TANGO6: variants seen among roughly 807,000 people sequenced by gnomAD.
TANGO6 encodes the protein transport and Golgi organization protein 6 homolog.
TANGO6 carries 90 observed loss-of-function variants against 114.2 expected under a neutral mutation model. The observed-to-expected ratio is 0.79, with a 90% CI of 0.66 to 0.94. The LOEUF (loss-of-function observed/expected upper bound fraction) is 0.94, where lower values mean the gene tolerates loss of function less well. Among genes scored for constraint, TANGO6 ranks in the 40% least tolerant of loss-of-function variants. The pLI, the probability that TANGO6 is intolerant of heterozygous loss-of-function variation, is 0.00. For synonymous variants in TANGO6, 477 were observed against 509.8 expected, an observed-to-expected ratio of 0.94 and a Z score of 0.87; for missense variants, 1,274 against 1,315.3, an observed-to-expected ratio of 0.97 and a Z score of 0.49.
chr16:68,887,906 A>C (rs1212329934), intron 7 of TANGO6, among the ~76,000 whole-genome samples: 1 of 152,070 alleles, frequency 6.6e-6, no homozygotes, highest in Non-Finnish European at 1.5e-5. Flanking sequence ...CAACAACAAA[A>C]AAGAGTAAAC....
At chr16:69,083,450 G>A (rs1429490792) in intron 17 of TANGO6, 35 bp from the exon 18 acceptor site, 1 of 1,588,704 alleles carries the variant, frequency 6.3e-7, no homozygotes, top group African/African-American at 1.3e-5. Context: ...TGCCGGCACA[G>A]TAGACAGGCG....
chr16:68,957,954 T>A (rs1447133198), intron 14 of TANGO6, among the ~76,000 whole-genome samples: 1 of 151,892 alleles, frequency 6.6e-6, no homozygotes, highest in Non-Finnish European at 1.5e-5. Context: ...GGTAGATCAT[T>A]TAAGGTCAGG....
At chr16:68,970,623 C>T (rs1349167624) in intron 14 of TANGO6, among the ~76,000 whole-genome samples, 6 of 144,118 alleles carry the variant, frequency 4.2e-5, no homozygotes, top group African/African-American at 7.8e-5. Context: ...GCTGAGATCA[C>T]GCCATTGTAC....
chr16:68,965,285 G>T (rs1345746312), intron 14 of TANGO6, among the ~76,000 whole-genome samples: 1 of 152,094 alleles, frequency 6.6e-6, no homozygotes. Context: ...TCAGCCTCCT[G>T]AGTAGCTGGG....
rs1282330089 is a variant in TANGO6, at chr16:68,900,523, T to G, written c.1467T>G (p.Thr489=). The G allele has an allele frequency of 2.5e-6, 4 of 1,613,756 alleles. No homozygotes were observed. The highest frequency in any genetic ancestry group is 3.4e-6 in the Non-Finnish European group (4 of 1,179,628). ...LGVLFLLYCF[T]KQSVSHIRSL... ...TGCTTTTTCTTCTCTACTGTTTTAC[T>G]AAGCAGAGTGTGTCTCACATAAGGT... The change falls in exon 8 of 18, where the codon ACT becomes ACG. Residue 489 remains threonine (T), a synonymous_variant. Coordinates refer to ENST00000261778, the MANE Select transcript of TANGO6 (RefSeq NM_024562.2).
chr16:69,039,301 C>G (rs1044618533), intron 16 of TANGO6, among the ~76,000 whole-genome samples: 6 of 150,512 alleles, frequency 4.0e-5, no homozygotes, highest in African/African-American at 7.4e-5. Flanking sequence ...GCACTCCAGC[C>G]TGGGCAACAG....
At chr16:68,913,378 A>C (rs1242695941) in intron 11 of TANGO6, among the ~76,000 whole-genome samples, 1 of 150,418 alleles carries the variant, frequency 6.6e-6, no homozygotes, top group Admixed American at 6.6e-5. Context: ...CAAGAAGCAC[A>C]CTACTATACC....
intron 16 of TANGO6, among the ~76,000 whole-genome samples, chr16:69,038,285 C>A (rs1330451264): frequency 2.0e-5 from 3 of 152,034 alleles, no homozygotes; most frequent in African/African-American, 7.2e-5. Flanking sequence ...AAAAAATTAA[C>A]CGGGCATGGT....
At chr16:69,017,284 ATCTTTCT>A (rs1959316568) in intron 15 of TANGO6, among the ~76,000 whole-genome samples, 1 of 152,134 alleles carries the variant, frequency 6.6e-6, no homozygotes, top group Non-Finnish European at 1.5e-5. Context: ...TAAGGACTGT[ATCTTTCT>A]TGCTTATGAT....
chr16:69,013,375 C>A (rs770497283), intron 15 of TANGO6, among the ~76,000 whole-genome samples: 12 of 151,712 alleles, frequency 7.9e-5, no homozygotes, highest in Non-Finnish European at 1.8e-4. Context: ...TTTGGGAGGC[C>A]GAAGCTGAGG....
At position 69,010,976 on chromosome 16, in the gene TANGO6, G is replaced by A. The variant is rs1010357970; in HGVS notation, c.2843-11852G>A. Reference sequence around the variant, plus strand: ...ATAATTCTGAATCACCAGGATCCACGTTATAATCAAGTTGCATTGCACAAT... The same window carrying A: ...ATAATTCTGAATCACCAGGATCCACATTATAATCAAGTTGCATTGCACAAT... On this transcript the variant is annotated intron_variant, in intron 15 of 17. Coordinates refer to ENST00000261778, the MANE Select transcript of TANGO6 (RefSeq NM_024562.2). Among the ~76,000 whole-genome samples the A allele has an allele frequency of 3.9e-5, 6 of 152,266 alleles. No homozygotes were observed. In the East Asian group the frequency reaches 9.6e-4, roughly 24 times the overall value.
intron 11 of TANGO6, among the ~76,000 whole-genome samples, chr16:68,914,158 T>G (rs959220447): frequency 1.3e-5 from 2 of 152,180 alleles, no homozygotes; most frequent in South Asian, 4.1e-4. Context: ...ATAGTGAATG[T>G]TTAATATTAT....
chr16:68,956,081 G>A (rs1252909491), intron 14 of TANGO6, among the ~76,000 whole-genome samples: 7 of 152,150 alleles, frequency 4.6e-5, no homozygotes, highest in Admixed American at 4.6e-4. Context: ...AACTCAGGAG[G>A]TGGAGGTTGC....
At chr16:68,866,445 A>C (rs1429868519) in intron 3 of TANGO6, among the ~76,000 whole-genome samples, 2 of 149,188 alleles carry the variant, frequency 1.3e-5, no homozygotes, top group Non-Finnish European at 3.0e-5. Context: ...AACAAGGTGA[A>C]ACCCCATCTC....
chr16:68,980,957 G>A (rs898581323), intron 15 of TANGO6, among the ~76,000 whole-genome samples: 2 of 151,876 alleles, frequency 1.3e-5, no homozygotes, highest in Admixed American at 1.3e-4. Context: ...TCACGCCACT[G>A]CACTACAGCC....
At chr16:68,936,409 T>G (rs1262503608) in intron 14 of TANGO6, among the ~76,000 whole-genome samples, 1 of 152,170 alleles carries the variant, frequency 6.6e-6, no homozygotes, top group Admixed American at 6.5e-5. Context: ...CTTGGCTCAC[T>G]GCAACTTCCA....
At chr16:68,870,947 AT>A (rs59608096) in intron 4 of TANGO6, among the ~76,000 whole-genome samples, 20,181 of 139,846 alleles carry the variant, frequency 0.14, 2,559 homozygotes, top group African/African-American at 0.35. Flanking sequence ...CGCCCGGCTA[AT>A]TTTTTTTTTT....
intron 14 of TANGO6, among the ~76,000 whole-genome samples, chr16:68,968,214 C>T (rs541506586): frequency 9.2e-5 from 14 of 151,868 alleles, no homozygotes; most frequent in African/African-American, 3.1e-4. Flanking sequence ...TACAGGCGCA[C>T]GCCACCACGC....
At chr16:68,925,364 C>T (rs1963154511) in intron 12 of TANGO6, among the ~76,000 whole-genome samples, 1 of 152,058 alleles carries the variant, frequency 6.6e-6, no homozygotes, top group Non-Finnish European at 1.5e-5. Context: ...AGTATGTCTT[C>T]CTATGCTTAT....
Sources: gnomAD v4.1 joint callset for allele counts (sites outside exome capture counted in the v4.1 genomes callset) on GRCh38, gnomAD v4.1.1 for gene constraint, MANE v1.5 for transcripts, NCBI Gene and HGNC (gene_info 2026-07-23, HGNC 2026-07-21) for gene names.